The following SAMMSON variants were observed in gnomAD, a reference collection of about 807,000 sequenced individuals.
SAMMSON encodes survival associated mitochondrial melanoma specific oncogenic non-coding RNA.
chr3:70,180,128 G>GA (rs1317848659), intron 4 of SAMMSON, among the ~76,000 whole-genome samples: 5 of 151,902 alleles, frequency 3.3e-5, no homozygotes, highest in Non-Finnish European at 5.9e-5. Flanking sequence ...TGTCCTTAAA[G>GA]AAAAAATGAT....
intron 4 of SAMMSON, among the ~76,000 whole-genome samples, chr3:70,120,993 T>G (rs1461186184): frequency 6.6e-6 from 1 of 152,200 alleles, no homozygotes; most frequent in Non-Finnish European, 1.5e-5. Flanking sequence ...GAGGGTACTC[T>G]GAGCTTGTTT....
chr3:70,209,601 C>A (rs554667180), intron 4 of SAMMSON, among the ~76,000 whole-genome samples: 1 of 152,210 alleles, frequency 6.6e-6, no homozygotes, highest in South Asian at 2.1e-4. Flanking sequence ...AAGGCCTCCT[C>A]CTTATTCAGT....
At chr3:70,324,033 C>T (rs1202220172) in intron 7 of SAMMSON, among the ~76,000 whole-genome samples, 1 of 152,018 alleles carries the variant, frequency 6.6e-6, no homozygotes, top group Non-Finnish European at 1.5e-5. Context: ...TTCCTGACCC[C>T]CTTCTTTGGC....
At chr3:70,125,454 T>C (rs542999518) in intron 4 of SAMMSON, 103 of 825,530 alleles carry the variant, frequency 1.2e-4, no homozygotes, top group South Asian at 5.1e-4. Context: ...CTTCTAGAAA[T>C]ACATTCCGAT....
intron 4 of SAMMSON, among the ~76,000 whole-genome samples, chr3:70,246,518 A>G (rs1034823394): frequency 1.3e-5 from 2 of 152,146 alleles, no homozygotes; most frequent in Non-Finnish European, 2.9e-5. Flanking sequence ...CTTATCAAAC[A>G]GAAACACGAG....
chr3:70,000,088 A>T (rs1047646518), intron 1 of SAMMSON, among the ~76,000 whole-genome samples: 1 of 152,164 alleles, frequency 6.6e-6, no homozygotes, highest in Non-Finnish European at 1.5e-5. Context: ...GATAAGGTAG[A>T]GGGTCCAATT....
chr3:70,359,009 C>T (rs1702851335), intron 9 of SAMMSON, among the ~76,000 whole-genome samples: 1 of 152,018 alleles, frequency 6.6e-6, no homozygotes. Flanking sequence ...TGAGTTGGCT[C>T]GCCAAGGATA....
intron 3 of SAMMSON, among the ~76,000 whole-genome samples, chr3:70,026,552 C>G (rs952457996): frequency 3.9e-5 from 6 of 152,174 alleles, no homozygotes; most frequent in Non-Finnish European, 7.4e-5. Flanking sequence ...CTGATCACCA[C>G]AGACAAGTGG....
At chr3:70,159,501 T>A (rs576452342) in intron 4 of SAMMSON, 4 of 152,228 alleles carry the variant, frequency 2.6e-5, no homozygotes, top group African/African-American at 9.6e-5. Flanking sequence ...GTACCATTCA[T>A]ACATTGATAT....
chr3:70,239,797 T>A (rs574703680), intron 4 of SAMMSON, among the ~76,000 whole-genome samples: 1 of 152,250 alleles, frequency 6.6e-6, no homozygotes, highest in South Asian at 2.1e-4. Context: ...TACAGTGACG[T>A]CTCGTTCAAC....
chr3:70,033,525 G>A lies in SAMMSON; in HGVS notation n.417+19853G>A, dbSNP rs2067073624. Among the ~76,000 whole-genome samples, 2 of 152,178 alleles carry A rather than the reference G, an allele frequency of 1.3e-5. 1 individual carries two copies. The highest frequency in any genetic ancestry group is 6.3e-3 in the Middle Eastern group (2 of 316). On this transcript the variant is annotated intron_variant and non_coding_transcript_variant, in intron 3 of 9. Coordinates refer to ENST00000642114, the Ensembl canonical transcript of SAMMSON. ...GAAGGGAGAGAGACTGGCGAAATAT[G>A]CTGGGATTAGTCTTGAAAAACCGTA...
chr3:70,214,558 C>G (rs368183040), intron 4 of SAMMSON, among the ~76,000 whole-genome samples: 1 of 150,480 alleles, frequency 6.6e-6, no homozygotes, highest in East Asian at 2.0e-4. Context: ...CCTCCCCAAG[C>G]TTCCCCAACA....
At chr3:70,021,798 G>T (rs1296351411) in intron 3 of SAMMSON, among the ~76,000 whole-genome samples, 1 of 152,000 alleles carries the variant, frequency 6.6e-6, no homozygotes, top group Non-Finnish European at 1.5e-5. Flanking sequence ...GTACAAATCT[G>T]TTTTTTTGGA....
intron 3 of SAMMSON, among the ~76,000 whole-genome samples, chr3:70,065,616 G>A (rs567655860): frequency 6.6e-6 from 1 of 152,118 alleles, no homozygotes; most frequent in African/African-American, 2.4e-5. Flanking sequence ...CTCCCTGGGG[G>A]GCTGTTGTCC....
chr3:70,039,593 TCACA>T (rs56058406), intron 3 of SAMMSON, among the ~76,000 whole-genome samples: 22,353 of 135,086 alleles, frequency 0.17, 1,924 homozygotes, highest in African/African-American at 0.18. Flanking sequence ...ACACATCTCT[TCACA>T]CACACACACA....
chr3:70,153,564 G>C (rs2067580017), intron 4 of SAMMSON, among the ~76,000 whole-genome samples: 1 of 151,870 alleles, frequency 6.6e-6, no homozygotes, highest in African/African-American at 2.4e-5. Context: ...AGAGATGAAA[G>C]AATACAAGTG....
At chr3:70,158,011 G>A (rs11128167) in intron 4 of SAMMSON, among the ~76,000 whole-genome samples, 58,789 of 151,896 alleles carry the variant, frequency 0.39, 11,942 homozygotes, top group East Asian at 0.73. Flanking sequence ...TTAAATGTTA[G>A]GTTGAGCTTT....
At chr3:70,027,197 G>A (rs2067044363) in intron 3 of SAMMSON, among the ~76,000 whole-genome samples, 1 of 152,230 alleles carries the variant, frequency 6.6e-6, no homozygotes, top group African/African-American at 2.4e-5. Flanking sequence ...TTTAGACAAA[G>A]TAATGGAGAG....
intron 6 of SAMMSON, among the ~76,000 whole-genome samples, chr3:70,283,338 T>C (rs1702107624): frequency 6.6e-6 from 1 of 152,074 alleles, no homozygotes; most frequent in African/African-American, 2.4e-5. Flanking sequence ...TGCTCAATAG[T>C]GGCTGAATGA....
Sources: gnomAD v4.1 joint callset for allele counts (sites outside exome capture counted in the v4.1 genomes callset) on GRCh38, gnomAD v4.1.1 for gene constraint, MANE v1.5 for transcripts, NCBI Gene and HGNC (gene_info 2026-07-23, HGNC 2026-07-21) for gene names.